ARHGAP18: variants seen among roughly 807,000 people sequenced by gnomAD.
ARHGAP18 encodes the protein rho GTPase-activating protein 18.
A neutral mutation model predicts 86.2 loss-of-function variants in ARHGAP18; 67 were observed. The observed-to-expected ratio is 0.78, with a 90% CI of 0.64 to 0.95. The LOEUF is 0.95. Ranked by LOEUF, ARHGAP18 falls within the 40% of genes least tolerant of loss-of-function variation. ARHGAP18 has a pLI of 0.00. For missense variants in ARHGAP18, 691 were observed against 780.4 expected, an observed-to-expected ratio of 0.89 and a Z score of 1.37; for synonymous variants, 283 against 280.4, an observed-to-expected ratio of 1.01 and a Z score of -0.09.
At chr6:129,677,998 C>T (rs1359966684) in intron 1 of ARHGAP18, among the ~76,000 whole-genome samples, 2 of 152,240 alleles carry the variant, frequency 1.3e-5, no homozygotes, top group African/African-American at 4.8e-5. Flanking sequence ...AAAAACAAAA[C>T]TTGCCTATGA....
intron 5 of ARHGAP18, among the ~76,000 whole-genome samples, chr6:129,627,466 A>G (rs961529911): frequency 2.6e-5 from 4 of 152,122 alleles, no homozygotes; most frequent in Non-Finnish European, 5.9e-5. Flanking sequence ...CTCCCCCCCA[A>G]AAAAGTGAAA....
intron 7 of ARHGAP18, among the ~76,000 whole-genome samples, chr6:129,613,577 C>T (rs1052298524): frequency 6.6e-6 from 1 of 152,162 alleles, no homozygotes; most frequent in South Asian, 2.1e-4. Context: ...TTCTAAATAA[C>T]TGAATGAGCG....
At chr6:129,609,976 T>C (rs893405218) in intron 8 of ARHGAP18, among the ~76,000 whole-genome samples, 5 of 151,224 alleles carry the variant, frequency 3.3e-5, no homozygotes, top group African/African-American at 7.4e-5. Flanking sequence ...CAGGACAGTG[T>C]GCACTCCCCA....
intron 12 of ARHGAP18, among the ~76,000 whole-genome samples, chr6:129,584,640 G>A (rs1305282345): frequency 6.6e-6 from 1 of 152,096 alleles, no homozygotes; most frequent in Non-Finnish European, 1.5e-5. Context: ...TTGAACTTAC[G>A]ATGACCCCTT....
In ARHGAP18 at chr6:129,641,829, G is replaced by A. The variant is rs373679715; in HGVS notation, c.303C>T (p.Val101=). The change falls in exon 2 of 15, where the codon GTC becomes GTT. Residue 101 remains valine, a synonymous_variant. Transcript: ENST00000368149. Reference sequence around the variant, plus strand: ...GTTAGTTATTACCATCAGGCTCTTTGACAACAACCACCTCTTGATCTTCTT... The same window carrying A: ...GTTAGTTATTACCATCAGGCTCTTTAACAACAACCACCTCTTGATCTTCTT... ...NSQEDQEVVV[V]KEPDEGELEE... is the part of the protein sequence containing the mutation. 4 of 1,612,866 alleles carry A rather than the reference G, an allele frequency of 2.5e-6. No individual in the cohort carries two copies. In the Admixed American group the frequency reaches 5.0e-5, roughly 20 times the overall value.
chr6:129,696,801 G>A (rs1031517020), intron 1 of ARHGAP18, among the ~76,000 whole-genome samples: 2 of 152,184 alleles, frequency 1.3e-5, no homozygotes. Context: ...TTCTGTATAA[G>A]AGAAGCAAGC....
chr6:129,693,790 T>TA (rs1774566624), intron 1 of ARHGAP18, among the ~76,000 whole-genome samples: 1 of 152,192 alleles, frequency 6.6e-6, no homozygotes, highest in African/African-American at 2.4e-5. Flanking sequence ...AAGATGAGGA[T>TA]AATAATTCTC....
intron 4 of ARHGAP18, among the ~76,000 whole-genome samples, chr6:129,632,551 C>A (rs1733183410): frequency 6.6e-6 from 1 of 152,132 alleles, no homozygotes; most frequent in Admixed American, 6.5e-5. Context: ...GCACAAAAAA[C>A]CCATCTGTCT....
Position 129,640,753 on chromosome 6 carries a change from T to C in ARHGAP18, c.316+1063A>G, listed in dbSNP as rs564109049. On this transcript the variant is annotated intron_variant, in intron 2 of 14. Coordinates refer to ENST00000368149, the MANE Select transcript of ARHGAP18 (RefSeq NM_033515.3). ...ATTGTGTTGAGAAGGAAGTCTCTAT[T>C]AGTGGATCACAAAGCACTGATTGGG... is the stretch of plus-strand genomic sequence containing the variant. Among the ~76,000 whole-genome samples, 15 of 152,326 alleles carry C rather than the reference T, an allele frequency of 9.8e-5. No individual in the cohort carries two copies. In the South Asian group the frequency reaches 3.1e-3, roughly 32 times the overall value.
In ARHGAP18 at chr6:129,665,645, T is replaced by G. The variant is rs183009572; in HGVS notation, c.114-23627A>C. On this transcript the variant is annotated intron_variant, in intron 1 of 14. Transcript: ENST00000368149. ...GAAAGAACCTTTCATAATAAAATGC[T>G]CTAAAATACAAACAGGTAGTTAATA... Among the ~76,000 whole-genome samples the G allele has an allele frequency of 1.9e-3, 284 of 152,234 alleles. 2 individuals carry two copies. Among genetic ancestry groups the G allele is most frequent in the Non-Finnish European group, 4.6e-4 (31 of 68,000 alleles).
chr6:129,622,615 AG>A (rs2114475081), intron 5 of ARHGAP18, among the ~76,000 whole-genome samples: 1 of 150,740 alleles, frequency 6.6e-6, no homozygotes, highest in Non-Finnish European at 1.5e-5. Flanking sequence ...TTTTTTGTTT[AG>A]TTAATAGACT....
At chr6:129,640,053 A>AAC in intron 2 of ARHGAP18, among the ~76,000 whole-genome samples, 1 of 151,266 alleles carries the variant, frequency 6.6e-6, no homozygotes, top group African/African-American at 2.4e-5. Context: ...AAAAAAAAAA[A>AAC]AAAAAAAAAA....
intron 6 of ARHGAP18, among the ~76,000 whole-genome samples, chr6:129,616,756 T>C (rs1789107623): frequency 6.6e-6 from 1 of 152,122 alleles, no homozygotes; most frequent in Admixed American, 6.5e-5. Flanking sequence ...AAGACCAGCC[T>C]AAGCCTGGGC....
chr6:129,631,034 T>C (rs994238747), intron 4 of ARHGAP18, among the ~76,000 whole-genome samples: 2 of 152,238 alleles, frequency 1.3e-5, no homozygotes, highest in African/African-American at 4.8e-5. Context: ...TACCTTTTGA[T>C]GATTAATTTT....
intron 12 of ARHGAP18, among the ~76,000 whole-genome samples, chr6:129,595,775 C>G (rs1408826336): frequency 6.6e-6 from 1 of 152,056 alleles, no homozygotes; most frequent in Non-Finnish European, 1.5e-5. Flanking sequence ...TTCAAATATC[C>G]CCACTTAAAT....
chr6:129,622,490 A>G (rs1194366560), intron 5 of ARHGAP18, among the ~76,000 whole-genome samples: 1 of 152,168 alleles, frequency 6.6e-6, no homozygotes, highest in East Asian at 1.9e-4. Context: ...ACCTAGCGAT[A>G]TATGTCATGA....
rs1300510012 is a variant in ARHGAP18, at chr6:129,625,627, A to T, written c.786+3726T>A. On this transcript the variant is annotated intron_variant, in intron 5 of 14. Transcript: ENST00000368149. ...ATATATTATTATATATTTATATATT[A>T]TATATATTTATATTATATATTTATA... 5.2e-5 allele frequency among the ~76,000 whole-genome samples: 3 copies of T among 57,336 alleles called. No homozygotes were observed. The East Asian group carries it at 1.9e-3, about 37-fold the overall frequency. 37.6% of individuals were successfully genotyped at this position (57,336 alleles called of 152,430 possible). A position where few individuals can be genotyped will look rare whatever the true frequency, so the allele number is the denominator to read the frequency against.
chr6:129,666,281 A>G (rs1774034241), intron 1 of ARHGAP18, among the ~76,000 whole-genome samples: 1 of 152,112 alleles, frequency 6.6e-6, no homozygotes, highest in Non-Finnish European at 1.5e-5. Flanking sequence ...AAAGTAGAGA[A>G]CTCCCCACAC....
chr6:129,594,397 C>T (rs867711127), intron 12 of ARHGAP18, among the ~76,000 whole-genome samples: 2 of 152,224 alleles, frequency 1.3e-5, no homozygotes, highest in South Asian at 4.1e-4. Flanking sequence ...CTATTATTTC[C>T]TAGCCTCCTT....
Sources: gnomAD v4.1 joint callset for allele counts (sites outside exome capture counted in the v4.1 genomes callset) on GRCh38, gnomAD v4.1.1 for gene constraint, MANE v1.5 for transcripts, NCBI Gene and HGNC (gene_info 2026-07-23, HGNC 2026-07-21) for gene names.